The following KATNBL1 variants were observed in gnomAD, a reference collection of about 807,000 sequenced individuals.
KATNBL1 encodes KATNB1-like protein 1.
A neutral mutation model predicts 44.7 loss-of-function variants in KATNBL1; 28 were observed. The observed-to-expected ratio is 0.63, with a 90% CI of 0.46 to 0.86. The LOEUF is 0.86. KATNBL1 is among the 40% of genes least tolerant of loss of function. The probability of loss-of-function intolerance (pLI) is 0.00; values close to 1 mark genes in which losing one functional copy is unlikely to be tolerated. For missense variants in KATNBL1, 272 were observed against 350.7 expected (o/e 0.78, Z 1.79); for synonymous variants, 78 against 114.9 (o/e 0.68, Z 2.06).
chr15:34,152,349 G>A (rs190147946), intron 4 of KATNBL1, among the ~76,000 whole-genome samples: 6 of 151,582 alleles, frequency 4.0e-5, no homozygotes, highest in Admixed American at 2.0e-4. Context: ...GATTACAGGC[G>A]CCCCCCACCA....
intron 1 of KATNBL1, chr15:34,177,933 C>T (rs184031514): frequency 1.7e-4 from 26 of 152,234 alleles, no homozygotes; most frequent in Non-Finnish European, 2.9e-4. Context: ...ACAGTCATTC[C>T]CACTATGGCA....
intron 1 of KATNBL1, among the ~76,000 whole-genome samples, chr15:34,204,174 C>A (rs1890237025): frequency 6.6e-6 from 1 of 152,110 alleles, no homozygotes; most frequent in African/African-American, 2.4e-5. Context: ...GCCCAGACAG[C>A]TCATGTGTAA....
At chr15:34,186,409 T>G (rs1440297713) in intron 1 of KATNBL1, among the ~76,000 whole-genome samples, 3 of 152,230 alleles carry the variant, frequency 2.0e-5, no homozygotes, top group Non-Finnish European at 4.4e-5. Flanking sequence ...ACTGCAGCTG[T>G]GGATCCCAGC....
chr15:34,188,162 A>AAAAAAAAAAAAAAAAAAAAAT (rs1567534700), intron 1 of KATNBL1, among the ~76,000 whole-genome samples: 2 of 148,814 alleles, frequency 1.3e-5, no homozygotes, highest in Non-Finnish European at 1.5e-5. Flanking sequence ...AAAAAAAAAA[A>AAAAAAAAAAAAAAAAAAAAAT]AAAGAAAATT....
chr15:34,193,388 G>A (rs944109200), intron 1 of KATNBL1, among the ~76,000 whole-genome samples: 4 of 151,830 alleles, frequency 2.6e-5, no homozygotes, highest in Non-Finnish European at 5.9e-5. Flanking sequence ...ACAAAAATTA[G>A]GCAGGCGTGG....
At chr15:34,209,900 G>C (rs946904559) in intron 1 of KATNBL1, 51 bp downstream of exon 1, 56 of 151,742 alleles carry the variant, frequency 3.7e-4, no homozygotes, top group African/African-American at 1.2e-3. Flanking sequence ...AGCCCTGCCA[G>C]GGCAGGGCAG....
intron 1 of KATNBL1, among the ~76,000 whole-genome samples, chr15:34,179,140 G>A (rs553470924): frequency 2.8e-4 from 43 of 152,308 alleles, no homozygotes; most frequent in African/African-American, 1.0e-3. Context: ...CAACAGAATA[G>A]CTGAGACTGG....
chr15:34,199,193 C>T (rs1467600598), intron 1 of KATNBL1, among the ~76,000 whole-genome samples: 1 of 152,180 alleles, frequency 6.6e-6, no homozygotes, highest in Admixed American at 6.5e-5. Context: ...AATCCCAGCA[C>T]TTTGGGAGGC....
intron 3 of KATNBL1, among the ~76,000 whole-genome samples, chr15:34,154,070 T>C (rs932737207): frequency 3.2e-4 from 48 of 152,320 alleles, no homozygotes; most frequent in African/African-American, 1.1e-3. Flanking sequence ...TAATATCTGG[T>C]TTAACAAAAG....
In KATNBL1 at chr15:34,142,103, T is replaced by C. The variant is rs1273307804; in HGVS notation, c.*236A>G. ...ATGCAGCAAAGGTGAACAATCTTCA[T>C]AGTGCACTTTCACCTCAATGAAATT... is the stretch of plus-strand genomic sequence containing the variant. On this transcript the variant is annotated 3_prime_UTR_variant, in exon 10 of 10. Coordinates refer to ENST00000256544, the MANE Select transcript of KATNBL1 (RefSeq NM_024713.3). 2.7e-6 allele frequency: 1 copy of C among 365,660 alleles called. No homozygotes were observed. Among genetic ancestry groups the C allele is most frequent in the East Asian group, 4.4e-5 (1 of 22,766 alleles). The allele number at this position is 365,660 out of a possible 1,614,324, so 22.7% of individuals were successfully genotyped here. A position where few individuals can be genotyped will look rare whatever the true frequency, so the allele number is the denominator to read the frequency against.
chr15:34,160,831 T>C (rs1452141411), intron 2 of KATNBL1, among the ~76,000 whole-genome samples: 1 of 152,148 alleles, frequency 6.6e-6, no homozygotes, highest in Non-Finnish European at 1.5e-5. Context: ...TTTCCCCTAC[T>C]GGAAATTTTT....
chr15:34,162,056 G>A (rs891589669), intron 2 of KATNBL1, among the ~76,000 whole-genome samples: 7 of 152,144 alleles, frequency 4.6e-5, no homozygotes, highest in Non-Finnish European at 8.8e-5. Context: ...CAACAGATAA[G>A]TTTTTCAGAT....
At chr15:34,199,934 C>T (rs913641470) in intron 1 of KATNBL1, 1 of 152,240 alleles carries the variant, frequency 6.6e-6, no homozygotes, top group Non-Finnish European at 1.5e-5. Context: ...CCTTATTTGA[C>T]CCCGCCCATG....
Position 34,141,783 on chromosome 15 carries a change from AATT to A in KATNBL1, c.*553_*555del, listed in dbSNP as rs1416311634. On this transcript the variant is annotated 3_prime_UTR_variant, in exon 10 of 10. Transcript: ENST00000256544. ...TATCATAACACATTGGCTTATTAAT[AATT>A]AAGGCATTTTACATACACAGTATCT... The A allele has an allele frequency of 6.6e-6, 1 of 152,618 alleles. No individual in the cohort carries two copies. The highest frequency in any genetic ancestry group is 1.5e-5 in the Non-Finnish European group (1 of 68,018). The allele number at this position is 152,618 out of a possible 1,614,324, so 9.5% of individuals were successfully genotyped here. A position where few individuals can be genotyped will look rare whatever the true frequency, so the allele number is the denominator to read the frequency against.
rs1555529650 is a variant in KATNBL1, at chr15:34,184,576, C to CTTTTTTCTT, written c.-14-20887_-14-20886insAAGAAAAAA. On this transcript the variant is annotated intron_variant, in intron 1 of 9. Coordinates refer to ENST00000256544, the MANE Select transcript of KATNBL1 (RefSeq NM_024713.3). Reference sequence around the variant, plus strand: ...ATACTTCCTGTCTCTCCTAATGTTTCTTTTTTTTTTTTTTGAGACAGAGTC... The same window carrying CTTTTTTCTT: ...ATACTTCCTGTCTCTCCTAATGTTTCTTTTTTCTTTTTTTTTTTTTTTTGAGACAGAGTC... Among the ~76,000 whole-genome samples the CTTTTTTCTT allele has an allele frequency of 3.1e-5, 3 of 95,258 alleles. 1 individual carries two copies. Among genetic ancestry groups the CTTTTTTCTT allele is most frequent in the Non-Finnish European group, 5.7e-5 (3 of 52,252 alleles). The allele number at this position is 95,258 out of a possible 152,430, so 62.5% of individuals were successfully genotyped here. A position where few individuals can be genotyped will look rare whatever the true frequency, so the allele number is the denominator to read the frequency against.
intron 7 of KATNBL1, 29 bp from the exon 8 acceptor site, chr15:34,146,879 A>C (rs1449656955): frequency 1.4e-6 from 2 of 1,403,454 alleles, no homozygotes; most frequent in African/African-American, 2.8e-5. Context: ...ACAAAATTCA[A>C]GTGTTTTCAT....
At chr15:34,199,344 G>A (rs1890108720) in intron 1 of KATNBL1, among the ~76,000 whole-genome samples, 1 of 152,196 alleles carries the variant, frequency 6.6e-6, no homozygotes, top group South Asian at 2.1e-4. Context: ...GGCTAAGGCA[G>A]GAGAATCTCT....
Position 34,152,955 on chromosome 15 carries a change from T to C in KATNBL1, c.273A>G (p.Gly91=). Residue 91 remains glycine (G), a synonymous_variant, in exon 4 of 10, where the codon GGA becomes GGG. Transcript: ENST00000256544. ...TATTTGCCATGTCACAGCCCCCACT[T>C]CCAGGGGACTGTTTTTTTCTGTAAC... ...NPCYRKKQSP[G]SGGCDMANKE... 6.2e-7 allele frequency: 1 copy of C among 1,614,122 alleles called. No homozygotes were observed.
chr15:34,157,551 T>C (rs559518814), intron 2 of KATNBL1, among the ~76,000 whole-genome samples: 136 of 152,302 alleles, frequency 8.9e-4, no homozygotes, highest in African/African-American at 3.1e-3. Flanking sequence ...AGTATATAAT[T>C]TCTGAGAAAC....
Sources: allele counts gnomAD v4.1 joint callset (sites outside exome capture counted in the v4.1 genomes callset), GRCh38; gene constraint gnomAD v4.1.1; transcripts MANE v1.5; gene names NCBI Gene and HGNC (gene_info 2026-07-23, HGNC 2026-07-21).